Variants in NUCB2 observed in about 807,000 individuals in gnomAD.
NUCB2 encodes nucleobindin-2.
Under a neutral mutation model 57.9 loss-of-function variants are expected in NUCB2, and 48 were observed. The observed-to-expected ratio is 0.83, with a 90% CI of 0.66 to 1.05. NUCB2 has a LOEUF of 1.05. NUCB2 is among the 50% of genes least tolerant of loss of function. The pLI is 0.00. For missense variants in NUCB2, 442 were observed against 476.2 expected, an observed-to-expected ratio of 0.93 and a Z score of 0.67; for synonymous variants, 139 against 152.1, an observed-to-expected ratio of 0.91 and a Z score of 0.64.
intron 10 of NUCB2, among the ~76,000 whole-genome samples, chr11:17,314,004 TCTC>T (rs1355931547): frequency 3.9e-5 from 6 of 152,128 alleles, no homozygotes; most frequent in Admixed American, 3.9e-4. Context: ...GCTTGACAGT[TCTC>T]CTTGTGTTTA....
chr11:17,330,421 T>A lies in NUCB2; in HGVS notation c.1173+124T>A. 1 of 499,930 alleles carries A rather than the reference T, an allele frequency of 2.0e-6. No individual in the cohort carries two copies. The highest frequency in any genetic ancestry group is 3.4e-6 in the Non-Finnish European group (1 of 291,528). 31.0% of individuals were successfully genotyped at this position (499,930 alleles called of 1,614,324 possible). ...CTGCTATAGCTATACTATAGTATTT[T>A]AAATTTTAATACTTTAAAACTGTTT... On this transcript the variant is annotated intron_variant, in intron 12 of 13. Coordinates refer to ENST00000529010, the MANE Select transcript of NUCB2 (RefSeq NM_005013.4). This position sits in a 1 kb window ranked among gnomAD's most constrained non-coding sequence, Gnocchi z 4.3.
chr11:17,340,111 G>A (rs1591632218), intron 2 of NUCB2, among the ~76,000 whole-genome samples: 3 of 152,224 alleles, frequency 2.0e-5, no homozygotes, highest in African/African-American at 7.2e-5. Context: ...CAGTGATGAT[G>A]AGCATTTGTT....
chr11:17,313,636 C>T (rs538345282), intron 10 of NUCB2, among the ~76,000 whole-genome samples: 1 of 152,266 alleles, frequency 6.6e-6, no homozygotes, highest in East Asian at 1.9e-4. Context: ...GTCTATTCTT[C>T]CTCTTCCTGT....
Position 17,312,018 on chromosome 11 carries a change from T to G in NUCB2, c.820-10T>G. 1.3e-6 allele frequency: 2 copies of G among 1,560,708 alleles called. No homozygotes were observed. Among genetic ancestry groups the G allele is most frequent in the Non-Finnish European group, 1.7e-6 (2 of 1,152,102 alleles). Reference sequence around the variant, plus strand: ...TTCCTTTCATGTTCATTTAAAATTTTTCTTTTTAGTTGGAGAAAGTATATG... The same window carrying G: ...TTCCTTTCATGTTCATTTAAAATTTGTCTTTTTAGTTGGAGAAAGTATATG... On this transcript the variant is annotated splice_polypyrimidine_tract_variant and intron_variant, in intron 9 of 13. Transcript: ENST00000529010.
At chr11:17,295,767 G>T (rs1174697349) in intron 3 of NUCB2, among the ~76,000 whole-genome samples, 1 of 152,068 alleles carries the variant, frequency 6.6e-6, no homozygotes, top group Admixed American at 6.6e-5. Flanking sequence ...GACCTGACTA[G>T]CCAAGAAAAC....
intron 2 of NUCB2, among the ~76,000 whole-genome samples, chr11:17,340,742 G>A (rs557583623): frequency 5.3e-5 from 8 of 152,118 alleles, no homozygotes; most frequent in African/African-American, 1.9e-4. Flanking sequence ...GTGCTGTTTT[G>A]GTTACTGTAG....
At chr11:17,293,253 CAAAAAA>C (rs35448937) in intron 2 of NUCB2, among the ~76,000 whole-genome samples, 1 of 105,086 alleles carries the variant, frequency 9.5e-6, no homozygotes, top group African/African-American at 3.5e-5. Flanking sequence ...GACTCTGTCT[CAAAAAA>C]AAAAAAAAAA....
intron 5 of NUCB2, among the ~76,000 whole-genome samples, chr11:17,306,051 TA>T (rs1947581498): frequency 6.6e-6 from 1 of 152,184 alleles, no homozygotes; most frequent in Admixed American, 6.5e-5. Flanking sequence ...ATGTAGAAAA[TA>T]AAATCATAAA....
In NUCB2 at chr11:17,295,966, C is replaced by A. The variant is rs993494845; in HGVS notation, c.145-138C>A. On this transcript the variant is annotated intron_variant, in intron 3 of 13. Coordinates refer to ENST00000529010, the MANE Select transcript of NUCB2 (RefSeq NM_005013.4). ...AAAACTATTTATTTCAGAAATATAG[C>A]TTTTCACTTTGTTGAAACTATCAAA... 4 of 506,556 alleles carry A rather than the reference C, an allele frequency of 7.9e-6. No individual in the cohort carries two copies. The East Asian group carries it at 1.3e-4, about 17-fold the overall frequency. The allele number at this position is 506,556 out of a possible 1,614,324, so 31.4% of individuals were successfully genotyped here.
chr11:17,342,157 A>C (rs371971689), intron 2 of NUCB2, among the ~76,000 whole-genome samples: 1 of 151,964 alleles, frequency 6.6e-6, no homozygotes, highest in African/African-American at 2.4e-5. Flanking sequence ...GGGATCGGTG[A>C]TGATATCCCC....
intron 2 of NUCB2, among the ~76,000 whole-genome samples, chr11:17,348,355 G>T (rs1952938320): frequency 9.6e-6 from 1 of 104,336 alleles, no homozygotes; most frequent in African/African-American, 4.0e-5. Context: ...TTTTTTTGGA[G>T]ACAGAGTCTC....
At chr11:17,281,256 A>G (rs1300241549) in intron 1 of NUCB2, among the ~76,000 whole-genome samples, 1 of 151,940 alleles carries the variant, frequency 6.6e-6, no homozygotes, top group Non-Finnish European at 1.5e-5. Context: ...AGCTGGGACT[A>G]CAGGTGCACA....
Position 17,326,087 on chromosome 11 carries a change from A to G in NUCB2, c.1003-4040A>G, listed in dbSNP as rs530983971. Among the ~76,000 whole-genome samples the G allele has an allele frequency of 2.7e-5, 4 of 149,144 alleles. 1 individual carries two copies. Among genetic ancestry groups the G allele is most frequent in the Admixed American group, 1.3e-4 (2 of 14,816 alleles). ...AAGATCTCGGCTCACCACAACCTCC[A>G]CTTCCTGGGTTCAAGTGATTCTCAT... On this transcript the variant is annotated intron_variant, in intron 11 of 13. Coordinates refer to ENST00000529010, the MANE Select transcript of NUCB2 (RefSeq NM_005013.4).
In NUCB2 at chr11:17,312,020, C is replaced by T; in HGVS notation, c.820-8C>T. On this transcript the variant is annotated splice_polypyrimidine_tract_variant and splice_region_variant and intron_variant, in intron 9 of 13. Coordinates refer to ENST00000529010, the MANE Select transcript of NUCB2 (RefSeq NM_005013.4). ...CCTTTCATGTTCATTTAAAATTTTT[C>T]TTTTTAGTTGGAGAAAGTATATGAC... 6.4e-7 allele frequency: 1 copy of T among 1,561,644 alleles called. No individual in the cohort carries two copies. Among genetic ancestry groups the T allele is most frequent in the Non-Finnish European group, 8.7e-7 (1 of 1,154,900 alleles).
At position 17,330,843 on chromosome 11, in the gene NUCB2, G is replaced by A. The variant is rs1051902117; in HGVS notation, c.1174-59G>A. On this transcript the variant is annotated intron_variant, in intron 12 of 13. Transcript: ENST00000529010. This position sits in a 1 kb window ranked among gnomAD's most constrained non-coding sequence, Gnocchi z 4.3. ...ATTTACTTTGTTGTGCTTTGTCAAA[G>A]GTCACACATATGATAGAAAATCAAG... The A allele has an allele frequency of 6.2e-6, 6 of 967,104 alleles. No homozygotes were observed. Among genetic ancestry groups the A allele is most frequent in the Admixed American group, 1.7e-5 (1 of 57,484 alleles). 59.9% of individuals were successfully genotyped at this position (967,104 alleles called of 1,614,324 possible). A position where few individuals can be genotyped will look rare whatever the true frequency, so the allele number is the denominator to read the frequency against.
At chr11:17,294,402 A>G (rs1304731649) in intron 2 of NUCB2, among the ~76,000 whole-genome samples, 1 of 152,168 alleles carries the variant, frequency 6.6e-6, no homozygotes. Context: ...TAGCATCTTT[A>G]TAGATTAGAC....
At chr11:17,318,028 C>G (rs1231876691) in intron 11 of NUCB2, among the ~76,000 whole-genome samples, 1 of 137,982 alleles carries the variant, frequency 7.2e-6, no homozygotes, top group African/African-American at 2.7e-5. Context: ...GACAGAGTCT[C>G]TCTCTGTCAC....
intron 2 of NUCB2, among the ~76,000 whole-genome samples, chr11:17,348,783 C>T (rs1373346367): frequency 6.6e-6 from 1 of 151,142 alleles, no homozygotes; most frequent in Non-Finnish European, 1.5e-5. Context: ...GCTTTCCTTT[C>T]CTTTTTTTTT....
At chr11:17,334,589 T>G (rs1951656728), downstream of NUCB2, 1 of 152,314 alleles carries the variant, frequency 6.6e-6, no homozygotes. Context: ...GGAATGCATG[T>G]TAAAAGCTAC....
Sources: allele counts gnomAD v4.1 joint callset (sites outside exome capture counted in the v4.1 genomes callset), GRCh38; gene constraint gnomAD v4.1.1; non-coding constraint Gnocchi (gnomAD v3.1); transcripts MANE v1.5; gene names NCBI Gene and HGNC (gene_info 2026-07-23, HGNC 2026-07-21).